Variants in CCDC102B observed in about 807,000 individuals in gnomAD.
The protein encoded by CCDC102B is coiled-coil domain-containing protein 102B.
A neutral mutation model predicts 57.4 loss-of-function variants in CCDC102B; 75 were observed. The observed-to-expected ratio is 1.31, with a 90% confidence interval of 1.08 to 1.58. CCDC102B has a LOEUF of 1.58. Among genes scored for constraint, CCDC102B ranks in the 40% most tolerant of loss-of-function variants. CCDC102B has a pLI of 0.00. For missense variants in CCDC102B, 636 were observed against 582.6 expected, an observed-to-expected ratio of 1.09 and a Z score of -0.94; for synonymous variants, 206 against 201.9, an observed-to-expected ratio of 1.02 and a Z score of -0.17.
At chr18:68,731,190 T>C (rs2032846210) in intron 2 of CCDC102B, among the ~76,000 whole-genome samples, 1 of 152,108 alleles carries the variant, frequency 6.6e-6, no homozygotes, top group South Asian at 2.1e-4. Flanking sequence ...TTCACCATGT[T>C]GGCCAGGCTG....
In CCDC102B at chr18:68,874,804, A is replaced by G; in HGVS notation, c.1053+19A>G. ...AGCAGAGGTAAGACACTGGGTAAAG[A>G]GTACCATATATATTAAAACATAACT... On this transcript the variant is annotated intron_variant, in intron 5 of 7. Coordinates refer to ENST00000360242, the MANE Select transcript of CCDC102B (RefSeq NM_024781.3). The G allele has an allele frequency of 7.3e-7, 1 of 1,364,010 alleles. No homozygotes were observed. Among genetic ancestry groups the G allele is most frequent in the Middle Eastern group, 1.8e-4 (1 of 5,410 alleles). 84.5% of individuals were successfully genotyped at this position (1,364,010 alleles called of 1,614,324 possible).
intron 7 of CCDC102B, among the ~76,000 whole-genome samples, chr18:69,039,777 T>TTA (rs1264488312): frequency 2.0e-5 from 3 of 151,952 alleles, no homozygotes; most frequent in Non-Finnish European, 4.4e-5. Flanking sequence ...TGTAGAATTG[T>TTA]TAGCAGTAGA....
chr18:69,017,290 G>C (rs545654600), intron 7 of CCDC102B, among the ~76,000 whole-genome samples: 2 of 151,670 alleles, frequency 1.3e-5, no homozygotes, highest in South Asian at 4.2e-4. Context: ...TATTTTTTTT[G>C]TGTGTGTGTT....
At chr18:68,788,991 T>G (rs375550378) in intron 2 of CCDC102B, among the ~76,000 whole-genome samples, 8 of 152,220 alleles carry the variant, frequency 5.3e-5, no homozygotes, top group Admixed American at 3.9e-4. Flanking sequence ...CCATGTTTAG[T>G]GCTTCCTTCA....
At chr18:68,926,366 G>A (rs2041475602) in intron 6 of CCDC102B, among the ~76,000 whole-genome samples, 1 of 151,672 alleles carries the variant, frequency 6.6e-6, no homozygotes, top group Non-Finnish European at 1.5e-5. Context: ...TTTTGCAGAA[G>A]CATTGATGAA....
chr18:69,021,590 C>G (rs918514077), intron 7 of CCDC102B, among the ~76,000 whole-genome samples: 3 of 152,148 alleles, frequency 2.0e-5, no homozygotes, highest in Non-Finnish European at 2.9e-5. Flanking sequence ...TAAGTATATA[C>G]AGTTGAATGT....
At chr18:68,906,033 T>C (rs572104022) in intron 6 of CCDC102B, among the ~76,000 whole-genome samples, 2 of 152,220 alleles carry the variant, frequency 1.3e-5, no homozygotes, top group African/African-American at 4.8e-5. Context: ...GACCTCGTGA[T>C]CCACCTGCCT....
chr18:69,029,567 T>C (rs1230618776), intron 7 of CCDC102B, among the ~76,000 whole-genome samples: 9 of 152,176 alleles, frequency 5.9e-5, no homozygotes, highest in Non-Finnish European at 1.0e-4. Flanking sequence ...TTATGAGCTC[T>C]TCCCAATACT....
chr18:68,948,942 A>G (rs2049616647), intron 6 of CCDC102B, among the ~76,000 whole-genome samples: 1 of 152,168 alleles, frequency 6.6e-6, no homozygotes, highest in South Asian at 2.1e-4. Context: ...AAGGTCCCAC[A>G]ATAGGATGTC....
intron 3 of CCDC102B, among the ~76,000 whole-genome samples, chr18:68,843,123 C>A (rs1023947610): frequency 2.6e-5 from 4 of 152,136 alleles, no homozygotes; most frequent in Admixed American, 2.6e-4. Context: ...AGTGCTAACA[C>A]CCAGTGCTGA....
intron 1 of CCDC102B, among the ~76,000 whole-genome samples, chr18:68,815,555 A>G (rs1488038459): frequency 1.3e-5 from 2 of 152,108 alleles, no homozygotes; most frequent in Non-Finnish European, 2.9e-5. Flanking sequence ...AATGCCGTAG[A>G]TACAGAATAA....
intron 6 of CCDC102B, among the ~76,000 whole-genome samples, chr18:68,960,532 G>T (rs1173968808): frequency 6.6e-6 from 1 of 152,182 alleles, no homozygotes; most frequent in Non-Finnish European, 1.5e-5. Flanking sequence ...TCACGGAGTG[G>T]TGTGAACCTC....
intron 7 of CCDC102B, among the ~76,000 whole-genome samples, chr18:69,038,482 C>T (rs764857902): frequency 1.3e-4 from 19 of 151,870 alleles, no homozygotes; most frequent in Non-Finnish European, 1.9e-4. Flanking sequence ...CATATTACCA[C>T]CATTCTCATA....
chr18:68,780,373 TG>T (rs1314857629), intron 2 of CCDC102B, among the ~76,000 whole-genome samples: 1 of 152,094 alleles, frequency 6.6e-6, no homozygotes, highest in Admixed American at 6.6e-5. Flanking sequence ...ATTTTAATTT[TG>T]GGGAACTGCC....
intron 5 of CCDC102B, among the ~76,000 whole-genome samples, chr18:68,877,726 T>C (rs75376268): frequency 0.011 from 1,621 of 152,314 alleles, 36 homozygotes; most frequent in East Asian, 0.081. Context: ...ACGTTTTCCT[T>C]AGAAAACATG....
At chr18:68,898,399 T>C (rs2040317369) in intron 6 of CCDC102B, among the ~76,000 whole-genome samples, 1 of 152,092 alleles carries the variant, frequency 6.6e-6, no homozygotes, top group Admixed American at 6.6e-5. Flanking sequence ...TATTAGTGTT[T>C]CATGACCTAG....
At position 68,919,258 on chromosome 18, in the gene CCDC102B, A is replaced by C. The variant is rs959603706; in HGVS notation, c.1263+21830A>C. 2.0e-5 allele frequency among the ~76,000 whole-genome samples: 3 copies of C among 152,150 alleles called. No homozygotes were observed. The South Asian group carries it at 6.2e-4, about 31-fold the overall frequency. ...TTATTCACTGTATGTGCATGAGTAT[A>C]TATGTACATATACACTGAATATATA... On this transcript the variant is annotated intron_variant, in intron 6 of 7. Coordinates refer to ENST00000360242, the MANE Select transcript of CCDC102B (RefSeq NM_024781.3).
chr18:68,956,347 T>C (rs7506172), intron 6 of CCDC102B, among the ~76,000 whole-genome samples: 2 of 29,394 alleles, frequency 6.8e-5, no homozygotes, highest in Non-Finnish European at 1.8e-4. Flanking sequence ...ATAATATATA[T>C]ATTAATATAT....
chr18:68,979,790 C>T (rs1349856565), intron 6 of CCDC102B, among the ~76,000 whole-genome samples: 1 of 151,930 alleles, frequency 6.6e-6, no homozygotes, highest in Non-Finnish European at 1.5e-5. Flanking sequence ...GCAGGTTCAA[C>T]CTCCATTCTG....
Sources: gnomAD v4.1 joint callset for allele counts (sites outside exome capture counted in the v4.1 genomes callset) on GRCh38, gnomAD v4.1.1 for gene constraint, MANE v1.5 for transcripts, NCBI Gene and HGNC (gene_info 2026-07-23, HGNC 2026-07-21) for gene names.